Variants in CRIM1 observed in about 807,000 individuals in gnomAD.
CRIM1 encodes the protein cysteine rich transmembrane BMP regulator 1.
In CRIM1, 32 loss-of-function variants were observed where a neutral mutation model predicts 116.4. That is an observed-to-expected ratio of 0.27 (90% CI 0.21 to 0.37). CRIM1 has a LOEUF of 0.37. Among genes scored for constraint, CRIM1 ranks in the 10% least tolerant of loss-of-function variants. The pLI, the probability that CRIM1 is intolerant of heterozygous loss-of-function variation, is 1.00. For missense variants in CRIM1, 1,331 were observed against 1,354.8 expected, an observed-to-expected ratio of 0.98 and a Z score of 0.28; for synonymous variants, 590 against 509.2, an observed-to-expected ratio of 1.16 and a Z score of -2.13.
At chr2:36,406,532 T>C (rs542469077) in intron 2 of CRIM1, among the ~76,000 whole-genome samples, 1 of 151,868 alleles carries the variant, frequency 6.6e-6, no homozygotes, top group African/African-American at 2.4e-5. Flanking sequence ...GATCCTTTGC[T>C]CATGTCAGGA....
chr2:36,525,780 C>A (rs1665717737), intron 13 of CRIM1, among the ~76,000 whole-genome samples: 3 of 152,034 alleles, frequency 2.0e-5, no homozygotes, highest in Admixed American at 6.6e-5. Context: ...CTCTAAAAAC[C>A]TCAAACTCAC....
At position 36,550,570 on chromosome 2, in the gene CRIM1, C is replaced by G. The variant is rs1389079820; in HGVS notation, c.*1869C>G. 2.0e-5 allele frequency: 3 copies of G among 152,118 alleles called. No individual in the cohort carries two copies. The highest frequency in any genetic ancestry group is 4.4e-5 in the Non-Finnish European group (3 of 67,950). The allele number at this position is 152,118 out of a possible 1,614,324, so 9.4% of individuals were successfully genotyped here. The stretch of plus-strand genomic sequence containing the variant: ...AAAATTAATTTATTATTATAATGAC[C>G]TAATTTATTAATCTGAAGATTAACC... On this transcript the variant is annotated 3_prime_UTR_variant, in exon 17 of 17. Transcript: ENST00000280527.
At chr2:36,487,363 C>A (rs1342236256) in intron 7 of CRIM1, among the ~76,000 whole-genome samples, 2 of 152,056 alleles carry the variant, frequency 1.3e-5, no homozygotes, top group African/African-American at 4.8e-5. Context: ...TTTTTCCTTT[C>A]ACAAGTTATA....
At chr2:36,501,783 T>C (rs1269843753) in intron 8 of CRIM1, among the ~76,000 whole-genome samples, 1 of 152,084 alleles carries the variant, frequency 6.6e-6, no homozygotes, top group Non-Finnish European at 1.5e-5. Context: ...ATCTTTAAAT[T>C]TCCTATAAGC....
chr2:36,519,916 A>G (rs1332428592), intron 12 of CRIM1, among the ~76,000 whole-genome samples: 1 of 59,706 alleles, frequency 1.7e-5, no homozygotes, highest in Non-Finnish European at 3.3e-5. Flanking sequence ...AGAGCGAGGG[A>G]GGTAGAAAAT....
chr2:36,383,335 C>CAA (rs1670931318), intron 1 of CRIM1, among the ~76,000 whole-genome samples: 1 of 152,088 alleles, frequency 6.6e-6, no homozygotes, highest in African/African-American at 2.4e-5. Context: ...TGAAAGTTAC[C>CAA]TGCTTCCTAG....
intron 1 of CRIM1, among the ~76,000 whole-genome samples, chr2:36,371,033 G>C (rs1669909405): frequency 6.6e-6 from 1 of 152,132 alleles, no homozygotes; most frequent in Non-Finnish European, 1.5e-5. Flanking sequence ...AGAAAATTAG[G>C]AGATGTGGTC....
At chr2:36,533,083 T>A (rs1309350086) in intron 13 of CRIM1, among the ~76,000 whole-genome samples, 2 of 152,216 alleles carry the variant, frequency 1.3e-5, no homozygotes, top group Non-Finnish European at 2.9e-5. Flanking sequence ...GGCTGAGTGC[T>A]TAAAATACAT....
intron 14 of CRIM1, among the ~76,000 whole-genome samples, chr2:36,541,221 G>C (rs925710666): frequency 3.9e-5 from 6 of 152,158 alleles, no homozygotes; most frequent in South Asian, 2.1e-4. Context: ...CCACCTCCCA[G>C]AAATGCTGTG....
At chr2:36,467,224 C>A (rs1319800292) in intron 5 of CRIM1, among the ~76,000 whole-genome samples, 1 of 152,142 alleles carries the variant, frequency 6.6e-6, no homozygotes, top group South Asian at 2.1e-4. Context: ...TTGCTTTCTT[C>A]CTAATCCTGT....
intron 7 of CRIM1, among the ~76,000 whole-genome samples, chr2:36,491,400 G>A (rs772234694): frequency 2.6e-5 from 4 of 152,158 alleles, no homozygotes; most frequent in Non-Finnish European, 4.4e-5. Flanking sequence ...CTGGCTTTCT[G>A]CTTCAGTGGA....
intron 14 of CRIM1, 150 bp from the exon 15 acceptor site, chr2:36,544,226 G>A (rs1667154003): frequency 1.8e-6 from 1 of 553,934 alleles, no homozygotes; most frequent in East Asian, 3.5e-5. Context: ...TCTCTAGCAT[G>A]AGTGATGAAT....
At chr2:36,533,560 C>G (rs60424242) in intron 13 of CRIM1, among the ~76,000 whole-genome samples, 1 of 152,160 alleles carries the variant, frequency 6.6e-6, no homozygotes, top group Admixed American at 6.5e-5. Context: ...CACCACTACA[C>G]TCCAGCCTGG....
At chr2:36,425,031 C>T (rs1674347398) in intron 2 of CRIM1, among the ~76,000 whole-genome samples, 1 of 152,136 alleles carries the variant, frequency 6.6e-6, no homozygotes, top group Non-Finnish European at 1.5e-5. Flanking sequence ...AAATAATTGT[C>T]CAAATCACGT....
chr2:36,487,739 C>G (rs1209592344), intron 7 of CRIM1, among the ~76,000 whole-genome samples: 1 of 152,002 alleles, frequency 6.6e-6, no homozygotes, highest in Non-Finnish European at 1.5e-5. Flanking sequence ...AATATAGCCT[C>G]TAAAAGTGAG....
chr2:36,419,759 A>T (rs1673910898), intron 2 of CRIM1, among the ~76,000 whole-genome samples: 2 of 152,238 alleles, frequency 1.3e-5, no homozygotes, highest in African/African-American at 4.8e-5. Flanking sequence ...ATGAGTAAAT[A>T]AATTTAAAGG....
intron 1 of CRIM1, among the ~76,000 whole-genome samples, chr2:36,387,233 C>A (rs780754266): frequency 6.6e-6 from 1 of 152,184 alleles, no homozygotes; most frequent in Non-Finnish European, 1.5e-5. Context: ...AGCTAATGAC[C>A]TGGCTTAATC....
At chr2:36,373,556 T>G (rs781237074) in intron 1 of CRIM1, among the ~76,000 whole-genome samples, 16 of 152,192 alleles carry the variant, frequency 1.1e-4, no homozygotes. Flanking sequence ...AAGGTCACAT[T>G]TGTTTGTGAT....
chr2:36,524,837 C>T (rs1244063081), intron 13 of CRIM1, among the ~76,000 whole-genome samples: 8 of 152,046 alleles, frequency 5.3e-5, no homozygotes, highest in Non-Finnish European at 8.8e-5. Context: ...TGCCTTCATA[C>T]TTTCTATTCC....
Sources: allele counts gnomAD v4.1 joint callset (sites outside exome capture counted in the v4.1 genomes callset), GRCh38; gene constraint gnomAD v4.1.1; transcripts MANE v1.5; gene names NCBI Gene and HGNC (gene_info 2026-07-23, HGNC 2026-07-21).